The following CAMK2D variants were observed in gnomAD, a reference collection of about 807,000 sequenced individuals.
CAMK2D encodes the protein calcium/calmodulin dependent protein kinase II delta, also known as calcium/calmodulin-dependent protein kinase type II subunit delta.
A neutral mutation model predicts 84.0 loss-of-function variants in CAMK2D; 37 were observed. The observed-to-expected ratio is 0.44, with a 90% CI of 0.34 to 0.58. The LOEUF is 0.58. Among genes scored for constraint, CAMK2D ranks in the 20% least tolerant of loss-of-function variants. The pLI, the probability that CAMK2D is intolerant of heterozygous loss-of-function variation, is 0.02. For missense variants in CAMK2D, 448 were observed against 652.5 expected (o/e 0.69, Z 3.41); for synonymous variants, 202 against 212.5 (o/e 0.95, Z 0.43).
At chr4:113,712,726 C>T (rs945537442) in intron 2 of CAMK2D, among the ~76,000 whole-genome samples, 9 of 151,576 alleles carry the variant, frequency 5.9e-5, no homozygotes, top group Admixed American at 5.3e-4. Context: ...AACATTTATC[C>T]ACCGCCATGT....
At chr4:113,669,475 G>C (rs1415916755) in intron 2 of CAMK2D, among the ~76,000 whole-genome samples, 1 of 152,134 alleles carries the variant, frequency 6.6e-6, no homozygotes, top group Non-Finnish European at 1.5e-5. Flanking sequence ...AGGTACACTG[G>C]AGGAGGTATA....
intron 4 of CAMK2D, among the ~76,000 whole-genome samples, chr4:113,603,773 T>TTATA (rs139576985): frequency 0.06 from 7,612 of 127,636 alleles, 301 homozygotes; most frequent in East Asian, 0.16. Flanking sequence ...TCTTGCTATT[T>TTATA]TATATATATA....
chr4:113,679,774 G>C (rs746912546), intron 2 of CAMK2D, among the ~76,000 whole-genome samples: 6 of 152,084 alleles, frequency 3.9e-5, no homozygotes, highest in Non-Finnish European at 8.8e-5. Context: ...CTTCATAGTA[G>C]GTGTCAGACT....
chr4:113,522,477 A>G (rs1464062762), intron 8 of CAMK2D, among the ~76,000 whole-genome samples: 3 of 152,218 alleles, frequency 2.0e-5, no homozygotes, highest in Non-Finnish European at 4.4e-5. Context: ...TGGCCAATGA[A>G]GGGCAGAACA....
At chr4:113,545,038 T>C (rs2098556498) in intron 6 of CAMK2D, among the ~76,000 whole-genome samples, 1 of 152,238 alleles carries the variant, frequency 6.6e-6, no homozygotes. Context: ...ATCTTTATTC[T>C]GAAGATATAC....
chr4:113,564,039 ACT>A, intron 4 of CAMK2D, among the ~76,000 whole-genome samples: 1 of 152,156 alleles, frequency 6.6e-6, no homozygotes, highest in Non-Finnish European at 1.5e-5. Flanking sequence ...TTTCTTTTAA[ACT>A]CTCATTTGTG....
At chr4:113,705,369 C>T (rs1353956608) in intron 2 of CAMK2D, among the ~76,000 whole-genome samples, 1 of 151,256 alleles carries the variant, frequency 6.6e-6, no homozygotes, top group Non-Finnish European at 1.5e-5. Context: ...GAGCCTAGCA[C>T]TCCCTACTTC....
intron 4 of CAMK2D, among the ~76,000 whole-genome samples, chr4:113,558,601 G>A (rs1399662088): frequency 6.6e-6 from 1 of 152,150 alleles, no homozygotes; most frequent in Non-Finnish European, 1.5e-5. Flanking sequence ...TTATCTGAGA[G>A]GGTCCTCGAT....
At chr4:113,744,926 T>C (rs574162963) in intron 2 of CAMK2D, among the ~76,000 whole-genome samples, 3 of 152,188 alleles carry the variant, frequency 2.0e-5, no homozygotes, top group African/African-American at 7.2e-5. Flanking sequence ...CAATTAATCA[T>C]CTTCCCTCAT....
chr4:113,745,314 T>A (rs1594037825), intron 2 of CAMK2D, among the ~76,000 whole-genome samples: 1 of 152,382 alleles, frequency 6.6e-6, no homozygotes, highest in South Asian at 2.1e-4. Context: ...TCTTTCTTCC[T>A]TCTATGCACT....
intron 3 of CAMK2D, among the ~76,000 whole-genome samples, chr4:113,611,963 A>ATACATATTTCC (rs2099002183): frequency 6.6e-6 from 1 of 152,130 alleles, no homozygotes. Flanking sequence ...GGATTAATAT[A>ATACATATTTCC]TACATATTTC....
At chr4:113,508,174 A>G (rs2098156989) in intron 13 of CAMK2D, 1 of 1,215,706 alleles carries the variant, frequency 8.2e-7, no homozygotes, top group Non-Finnish European at 1.2e-6. Context: ...TTAGGTAAAT[A>G]AGACTTTTAT....
intron 4 of CAMK2D, among the ~76,000 whole-genome samples, chr4:113,571,546 A>G (rs950191589): frequency 1.1e-4 from 17 of 152,188 alleles, no homozygotes; most frequent in African/African-American, 3.6e-4. Context: ...AAAGATAAAT[A>G]CTGCATGATC....
rs57278742 is a variant in CAMK2D at position 113,466,292 on chromosome 4, A to T, written c.1136-688T>A. On this transcript the variant is annotated intron_variant, in intron 16 of 20. Coordinates refer to ENST00000511664, the MANE Select transcript of CAMK2D (RefSeq NM_001321571.2). Reference sequence around the variant, plus strand: ...TAAATAAATAAATAAATAAATATAAAATAAAATAAAATAAAATTAGTTTTT... The same window carrying T: ...TAAATAAATAAATAAATAAATATAATATAAAATAAAATAAAATTAGTTTTT... Among the ~76,000 whole-genome samples the T allele has an allele frequency of 5.1e-3, 614 of 119,780 alleles. 4 individuals are homozygous for T. Among genetic ancestry groups the T allele is most frequent in the African/African-American group, 0.018 (565 of 31,674 alleles). 78.6% of individuals were successfully genotyped at this position (119,780 alleles called of 152,430 possible).
chr4:113,662,840 T>G (rs569483068), intron 2 of CAMK2D, among the ~76,000 whole-genome samples: 1 of 152,356 alleles, frequency 6.6e-6, no homozygotes, highest in Admixed American at 6.5e-5. Context: ...AGAGAGTTTC[T>G]GGCACTCCCT....
chr4:113,672,710 ATTAAT>A (rs2099295342), intron 2 of CAMK2D, among the ~76,000 whole-genome samples: 1 of 151,690 alleles, frequency 6.6e-6, no homozygotes, highest in African/African-American at 2.4e-5. Flanking sequence ...TAAAAATAAA[ATTAAT>A]TTAATTCTAT....
At position 113,516,110 on chromosome 4, in the gene CAMK2D, T is replaced by C. The variant is rs565945863; in HGVS notation, c.697-919A>G. ...GAAAAATAAAGCCATTGCCACTGTG[T>C]CATGGAATTAAATTAGTCCATTTTT... On this transcript the variant is annotated intron_variant, in intron 9 of 20. Coordinates refer to ENST00000511664, the MANE Select transcript of CAMK2D (RefSeq NM_001321571.2). Among the ~76,000 whole-genome samples the C allele has an allele frequency of 3.9e-5, 6 of 152,308 alleles. No individual in the cohort carries two copies. In the South Asian group the frequency reaches 1.2e-3, roughly 32 times the overall value.
chr4:113,505,096 T>C, intron 13 of CAMK2D, 61 bp from the exon 14 acceptor site: 2 of 944,218 alleles, frequency 2.1e-6, no homozygotes, highest in South Asian at 1.5e-5. Context: ...CCAATGTCTC[T>C]AGATGCAGCA....
intron 13 of CAMK2D, among the ~76,000 whole-genome samples, chr4:113,506,540 G>T (rs1281814090): frequency 6.6e-6 from 1 of 152,104 alleles, no homozygotes; most frequent in East Asian, 1.9e-4. Context: ...GTCTATTAAA[G>T]AGGGATCAAA....
Sources: allele counts gnomAD v4.1 joint callset (sites outside exome capture counted in the v4.1 genomes callset), GRCh38; gene constraint gnomAD v4.1.1; transcripts MANE v1.5; gene names NCBI Gene and HGNC (gene_info 2026-07-23, HGNC 2026-07-21).